FKBPL: variants seen among roughly 807,000 people sequenced by gnomAD.
The protein encoded by FKBPL is FK506-binding protein-like.
Under a neutral mutation model 27.9 loss-of-function variants are expected in FKBPL, and 31 were observed. That is an observed-to-expected ratio of 1.11 (90% CI 0.83 to 1.50). The LOEUF is 1.50. FKBPL is among the 40% of genes most tolerant of loss of function. The pLI is 0.00. For synonymous variants in FKBPL, 134 were observed against 169.5 expected, an observed-to-expected ratio of 0.79 and a Z score of 1.63; for missense variants, 355 against 425.9, an observed-to-expected ratio of 0.83 and a Z score of 1.46.
chr6:32,129,868 C>A lies in FKBPL; in HGVS notation c.-74-14G>T. The A allele has an allele frequency of 8.5e-7, 1 of 1,173,708 alleles. No individual in the cohort carries two copies. The highest frequency in any genetic ancestry group is 1.2e-6 in the Non-Finnish European group (1 of 800,820). The allele number at this position is 1,173,708 out of a possible 1,614,324, so 72.7% of individuals were successfully genotyped here. Reference sequence around the variant, plus strand: ...TCAGGTCAGCACCTGAAAAGAAAACCAAACAATGCTAATAGCAGGGTTCTT... The same window carrying A: ...TCAGGTCAGCACCTGAAAAGAAAACAAAACAATGCTAATAGCAGGGTTCTT... On this transcript the variant is annotated splice_polypyrimidine_tract_variant and intron_variant, in intron 1 of 1. Coordinates refer to ENST00000375156, the MANE Select transcript of FKBPL (RefSeq NM_022110.4). This position sits in a 1 kb window ranked among gnomAD's most constrained non-coding sequence, Gnocchi z 4.5.
rs755789304 is a variant in FKBPL, at chr6:32,129,522, T to A, written c.259A>T (p.Met87Leu). The A allele has an allele frequency of 6.2e-7, 1 of 1,613,650 alleles. No homozygotes were observed. The highest frequency in any genetic ancestry group is 8.5e-7 in the Non-Finnish European group (1 of 1,179,984). The part of the protein sequence containing the change: ...SHKSHGSTSQ[M>L]PEALQASDLW... Reference sequence around the variant, plus strand: ...TCAGAAGCTTGAAGGGCCTCTGGCATCTGACTGGTTGATCCATGAGACTTA... The same window carrying A: ...TCAGAAGCTTGAAGGGCCTCTGGCAACTGACTGGTTGATCCATGAGACTTA... Residue 87 changes from methionine to leucine, a missense_variant, in exon 2 of 2, where the codon ATG becomes TTG. Coordinates refer to ENST00000375156, the MANE Select transcript of FKBPL (RefSeq NM_022110.4). This position sits in a 1 kb window ranked among gnomAD's most constrained non-coding sequence, Gnocchi z 4.5.
At position 32,130,149 on chromosome 6, in the gene FKBPL, A is replaced by C; in HGVS notation, c.-129T>G. The C allele has an allele frequency of 9.5e-6, 3 of 315,696 alleles. No homozygotes were observed. Among genetic ancestry groups the C allele is most frequent in the East Asian group, 8.0e-5 (1 of 12,566 alleles). The allele number at this position is 315,696 out of a possible 1,614,324, so 19.6% of individuals were successfully genotyped here. A position where few individuals can be genotyped will look rare whatever the true frequency, so the allele number is the denominator to read the frequency against. On this transcript the variant is annotated 5_prime_UTR_variant, in exon 1 of 2. Coordinates refer to ENST00000375156, the MANE Select transcript of FKBPL (RefSeq NM_022110.4). ...CAGGAGGAGCCGGGCCATTCGAATC[A>C]CCTCTCCTTCCAAAGCTAAATGGCT...
In FKBPL at chr6:32,129,806, G is replaced by A. The variant is rs1009941406; in HGVS notation, c.-26C>T. On this transcript the variant is annotated 5_prime_UTR_variant, in exon 2 of 2. Transcript: ENST00000375156. This position sits in a 1 kb window ranked among gnomAD's most constrained non-coding sequence, Gnocchi z 4.5. ...ATGGATGCTTAGTCCCTTCCACGGT[G>A]AGTGAACAGTTTTGGTCAGAAAGGG... 6.3e-7 allele frequency: 1 copy of A among 1,599,618 alleles called. No homozygotes were observed. The highest frequency in any genetic ancestry group is 8.5e-7 in the Non-Finnish European group (1 of 1,172,166).
In FKBPL at chr6:32,129,885, A is replaced by G; in HGVS notation, c.-74-31T>C. 9.7e-7 allele frequency: 1 copy of G among 1,027,964 alleles called. No homozygotes were observed. Among genetic ancestry groups the G allele is most frequent in the South Asian group, 1.4e-5 (1 of 73,740 alleles). The allele number at this position is 1,027,964 out of a possible 1,614,324, so 63.7% of individuals were successfully genotyped here. ...AAGAAAACCAAACAATGCTAATAGC[A>G]GGGTTCTTATTTAGACTCCTTTCTC... On this transcript the variant is annotated intron_variant, in intron 1 of 1. Transcript: ENST00000375156. This position sits in a 1 kb window ranked among gnomAD's most constrained non-coding sequence, Gnocchi z 4.5.
At position 32,129,772 on chromosome 6, in the gene FKBPL, C is replaced by T. The variant is rs753518230; in HGVS notation, c.9G>A (p.Thr3=). The change falls in exon 2 of 2, where the codon ACG becomes ACA. Residue 3 remains threonine (T), a synonymous_variant. Transcript: ENST00000375156. The surrounding 1 kb of genome is among the most constrained non-coding windows in gnomAD (Gnocchi z 4.5). ME[T]PPVNTIGEKD... ...TTTCTCCAATTGTATTGACTGGTGG[C>T]GTCTCCATATGGATGCTTAGTCCCT... 3.7e-6 allele frequency: 6 copies of T among 1,612,800 alleles called. No individual in the cohort carries two copies. The South Asian group carries it at 6.6e-5, about 18-fold the overall frequency.
chr6:32,130,009 A>G (rs920891571), intron 1 of FKBPL, 86 bp downstream of exon 1: 1 of 614,188 alleles, frequency 1.6e-6, no homozygotes. Flanking sequence ...TTCCACCCAC[A>G]TATAATTTAG....
Position 32,128,916 on chromosome 6 carries a change from A to C in FKBPL, c.865T>G (p.Leu289Val), listed in dbSNP as rs1782122619. The change falls in exon 2 of 2, where the codon TTA becomes GTA. Residue 289 changes from leucine (L) to valine (V), a missense_variant. Physicochemically the swap from Leu to Val is conservative, Grantham distance 32 (BLOSUM62 1). Transcript: ENST00000375156. Reference protein sequence around the residue: ...LEREPGHLKALYRRGVAQAAL... With the variant: ...LEREPGHLKAVYRRGVAQAAL... ...GCCTGGGCAACCCCCCTTCGGTATA[A>C]GGCCTTTAAATGGCCAGGCTCCCGC... 1 of 1,614,022 alleles carries C rather than the reference A, an allele frequency of 6.2e-7. No individual in the cohort carries two copies. Among genetic ancestry groups the C allele is most frequent in the South Asian group, 1.1e-5 (1 of 91,074 alleles).
At position 32,129,996 on chromosome 6, in the gene FKBPL, C is replaced by A. The variant is rs1265379201; in HGVS notation, c.-75+99G>T. The A allele has an allele frequency of 4.8e-6, 3 of 620,644 alleles. No individual in the cohort carries two copies. Among genetic ancestry groups the A allele is most frequent in the African/African-American group, 3.7e-5 (2 of 54,106 alleles). 38.4% of individuals were successfully genotyped at this position (620,644 alleles called of 1,614,324 possible). A position where few individuals can be genotyped will look rare whatever the true frequency, so the allele number is the denominator to read the frequency against. On this transcript the variant is annotated intron_variant, in intron 1 of 1. Transcript: ENST00000375156. This position sits in a 1 kb window ranked among gnomAD's most constrained non-coding sequence, Gnocchi z 4.5. ...CCTCCAAAAATCTGCTCCAGCTTCC[C>A]CGTTCCACCCACATATAATTTAGAA...
chr6:32,128,930 C>T lies in FKBPL; in HGVS notation c.851G>A (p.Gly284Asp), dbSNP rs780412779. The change falls in exon 2 of 2, where the codon GGC (glycine) becomes GAC (aspartate). Residue 284 changes from glycine to aspartate, a missense_variant. Physicochemically the swap from Gly to Asp is moderately conservative, Grantham distance 94. Coordinates refer to ENST00000375156, the MANE Select transcript of FKBPL (RefSeq NM_022110.4). ...CCTTCGGTATAAGGCCTTTAAATGGCCAGGCTCCCGCTCCAACACCCGGTC... is the reference window on the plus strand; with the variant it reads ...CCTTCGGTATAAGGCCTTTAAATGGTCAGGCTCCCGCTCCAACACCCGGTC... ...SCDRVLEREP[G>D]HLKALYRRGV... The T allele has an allele frequency of 3.7e-6, 6 of 1,614,194 alleles. No homozygotes were observed. Among genetic ancestry groups the T allele is most frequent in the Admixed American group, 1.7e-5 (1 of 60,016 alleles).
chr6:32,129,709 G>C lies in FKBPL; in HGVS notation c.72C>G (p.Asn24Lys). ...TAACTGAATCAAGGTTCTCCCGAAG[G>C]TTCTTTTCCCACTCTTGTTGCGGCT... ...TSQPQQEWEK[N>K]LRENLDSVIQ... is the part of the protein sequence containing the mutation. Residue 24 changes from asparagine to lysine, a missense_variant, in exon 2 of 2, where the codon AAC (asparagine) becomes AAG (lysine). Coordinates refer to ENST00000375156, the MANE Select transcript of FKBPL (RefSeq NM_022110.4). The surrounding 1 kb of genome is among the most constrained non-coding windows in gnomAD (Gnocchi z 4.5). The C allele has an allele frequency of 6.2e-7, 1 of 1,614,132 alleles. No individual in the cohort carries two copies. The highest frequency in any genetic ancestry group is 1.1e-5 in the South Asian group (1 of 91,066).
In FKBPL at chr6:32,129,186, A is replaced by C; in HGVS notation, c.595T>G (p.Trp199Gly). The C allele has an allele frequency of 6.2e-7, 1 of 1,614,208 alleles. No homozygotes were observed. The highest frequency in any genetic ancestry group is 8.5e-7 in the Non-Finnish European group (1 of 1,180,030). ...LASFTQGRDS[W>G]ELETSEKEAL... ...TCCTTCTCGCTAGTCTCCAGCTCCC[A>C]GGAGTCTCGGCCTTGAGTGAAGGAT... is the stretch of plus-strand genomic sequence containing the variant. Residue 199 changes from tryptophan to glycine, a missense_variant, in exon 2 of 2, where the codon TGG (tryptophan) becomes GGG (glycine). By Grantham distance (184) the Trp-to-Gly change is radical. Coordinates refer to ENST00000375156, the MANE Select transcript of FKBPL (RefSeq NM_022110.4). The surrounding 1 kb of genome is among the most constrained non-coding windows in gnomAD (Gnocchi z 4.5).
chr6:32,129,960 A>G lies in FKBPL; in HGVS notation c.-74-106T>C. The G allele has an allele frequency of 1.5e-6, 1 of 663,650 alleles. No homozygotes were observed. The highest frequency in any genetic ancestry group is 1.8e-5 in the South Asian group (1 of 55,166). 41.1% of individuals were successfully genotyped at this position (663,650 alleles called of 1,614,324 possible). ...CAGGCCCCTAGTCCTGAAAGTCCCCAGTTTTGCTTTCCTCCAAAAATCTGC... is the reference window on the plus strand; with the variant it reads ...CAGGCCCCTAGTCCTGAAAGTCCCCGGTTTTGCTTTCCTCCAAAAATCTGC... On this transcript the variant is annotated intron_variant, in intron 1 of 1. Transcript: ENST00000375156. The surrounding 1 kb of genome is among the most constrained non-coding windows in gnomAD (Gnocchi z 4.5).
chr6:32,129,240 A>G lies in FKBPL; in HGVS notation c.541T>C (p.Ser181Pro). 1.2e-6 allele frequency: 2 copies of G among 1,614,236 alleles called. No homozygotes were observed. Among genetic ancestry groups the G allele is most frequent in the South Asian group, 1.1e-5 (1 of 91,088 alleles). Residue 181 changes from serine (S) to proline (P), a missense_variant, in exon 2 of 2, where the codon TCT becomes CCT. Ser to Pro is a moderately conservative substitution (Grantham distance 74, BLOSUM62 -1). Transcript: ENST00000375156. The surrounding 1 kb of genome is among the most constrained non-coding windows in gnomAD (Gnocchi z 4.5). ...EEAELQLPGH[S>P]GPPVRLTLAS... ...AGTGTGAGCCTGACAGGAGGTCCAG[A>G]GTGCCCAGGCAGCTGAAGCTCTGCT... is the stretch of plus-strand genomic sequence containing the variant.
chr6:32,130,131 A>C lies in FKBPL; in HGVS notation c.-111T>G. On this transcript the variant is annotated 5_prime_UTR_variant, in exon 1 of 2. Transcript: ENST00000375156. ...AAGTGCCTAGCATGGTGACAGGAGGAGCCGGGCCATTCGAATCACCTCTCC... is the reference window on the plus strand; with the variant it reads ...AAGTGCCTAGCATGGTGACAGGAGGCGCCGGGCCATTCGAATCACCTCTCC... 2.5e-6 allele frequency: 1 copy of C among 400,606 alleles called. No homozygotes were observed. The highest frequency in any genetic ancestry group is 4.5e-6 in the Non-Finnish European group (1 of 220,312). The allele number at this position is 400,606 out of a possible 1,614,324, so 24.8% of individuals were successfully genotyped here.
At position 32,129,867 on chromosome 6, in the gene FKBPL, C is replaced by T; in HGVS notation, c.-74-13G>A. ...TTCAGGTCAGCACCTGAAAAGAAAA[C>T]CAAACAATGCTAATAGCAGGGTTCT... is the stretch of plus-strand genomic sequence containing the variant. On this transcript the variant is annotated splice_polypyrimidine_tract_variant and intron_variant, in intron 1 of 1. Transcript: ENST00000375156. The surrounding 1 kb of genome is among the most constrained non-coding windows in gnomAD (Gnocchi z 4.5). 1.7e-6 allele frequency: 2 copies of T among 1,176,358 alleles called. No individual in the cohort carries two copies. The highest frequency in any genetic ancestry group is 2.6e-5 in the South Asian group (2 of 77,352). The allele number at this position is 1,176,358 out of a possible 1,614,324, so 72.9% of individuals were successfully genotyped here.
chr6:32,129,531 T>C lies in FKBPL; in HGVS notation c.250A>G (p.Thr84Ala). 6.2e-7 allele frequency: 1 copy of C among 1,611,828 alleles called. No individual in the cohort carries two copies. The highest frequency in any genetic ancestry group is 8.5e-7 in the Non-Finnish European group (1 of 1,179,734). ...EGDSHKSHGS[T>A]SQMPEALQAS... ...TGAAGGGCCTCTGGCATCTGACTGG[T>C]TGATCCATGAGACTTATGAGAGTCT... is the stretch of plus-strand genomic sequence containing the variant. Residue 84 changes from threonine (T) to alanine (A), a missense_variant, in exon 2 of 2, where the codon ACC becomes GCC. Physicochemically the swap from Thr to Ala is moderately conservative, Grantham distance 58. Transcript: ENST00000375156. This position sits in a 1 kb window ranked among gnomAD's most constrained non-coding sequence, Gnocchi z 4.5.
At position 32,129,017 on chromosome 6, in the gene FKBPL, T is replaced by C. The variant is rs764111558; in HGVS notation, c.764A>G (p.His255Arg). 6.2e-7 allele frequency: 1 copy of C among 1,614,202 alleles called. No individual in the cohort carries two copies. Among genetic ancestry groups the C allele is most frequent in the South Asian group, 1.1e-5 (1 of 91,090 alleles). Residue 255 changes from histidine (H) to arginine (R), a missense_variant, in exon 2 of 2, where the codon CAT becomes CGT. By Grantham distance (29) the His-to-Arg change is conservative. Transcript: ENST00000375156. This position sits in a 1 kb window ranked among gnomAD's most constrained non-coding sequence, Gnocchi z 4.5. ...PPGPPERTVL[H>R]ANLAACQLLL... is the part of the protein sequence containing the mutation. ...CAACTGACAGGCAGCCAGATTGGCA[T>C]GAAGGACAGTTCGTTCTGGAGGGCC...
rs763458549 is a variant in FKBPL at position 32,128,974 on chromosome 6, C to T, written c.807G>A (p.Gln269=). Residue 269 remains glutamine, a synonymous_variant, in exon 2 of 2, where the codon CAG becomes CAA. Coordinates refer to ENST00000375156, the MANE Select transcript of FKBPL (RefSeq NM_022110.4). ...CCCGGTCACAGCTCTGGGCTGCCAA[C>T]TGAGGCTGCCCTAGCAACAACTGAC... ...AACQLLLGQP[Q]LAAQSCDRVL... The T allele has an allele frequency of 1.9e-6, 3 of 1,613,986 alleles. No individual in the cohort carries two copies. The highest frequency in any genetic ancestry group is 2.5e-6 in the Non-Finnish European group (3 of 1,179,820).
At position 32,129,283 on chromosome 6, in the gene FKBPL, G is replaced by A. The variant is rs1358993076; in HGVS notation, c.498C>T (p.Ser166=). 1 of 1,614,104 alleles carries A rather than the reference G, an allele frequency of 6.2e-7. No individual in the cohort carries two copies. The highest frequency in any genetic ancestry group is 8.5e-7 in the Non-Finnish European group (1 of 1,180,054). ...WGELIEKCLE[S]MCQGEEAELQ... Reference sequence around the variant, plus strand: ...GCTCTGCTTCCTCACCTTGACACATGGACTCCAAGCATTTCTCTATGAGCT... The same window carrying A: ...GCTCTGCTTCCTCACCTTGACACATAGACTCCAAGCATTTCTCTATGAGCT... The change falls in exon 2 of 2, where the codon TCC becomes TCT. Residue 166 remains serine (S), a synonymous_variant. Coordinates refer to ENST00000375156, the MANE Select transcript of FKBPL (RefSeq NM_022110.4). The surrounding 1 kb of genome is among the most constrained non-coding windows in gnomAD (Gnocchi z 4.5).
Sources: gnomAD v4.1 joint callset for allele counts on GRCh38, gnomAD v4.1.1 for gene constraint, Gnocchi (gnomAD v3.1) non-coding constraint, MANE v1.5 for transcripts, NCBI Gene and HGNC (gene_info 2026-07-23, HGNC 2026-07-21) for gene names.